Variants in LDLRAD3 observed in about 807,000 individuals in gnomAD.
The protein encoded by LDLRAD3 is low density lipoprotein receptor class A domain containing 3.
A neutral mutation model predicts 29.4 loss-of-function variants in LDLRAD3; 20 were observed. The observed-to-expected ratio is 0.68, with a 90% CI of 0.48 to 0.99. LDLRAD3 has a LOEUF of 0.99. LDLRAD3 is among the 50% of genes least tolerant of loss of function. LDLRAD3 has a pLI of 0.00. For missense variants in LDLRAD3, 420 were observed against 454.3 expected, an observed-to-expected ratio of 0.92 and a Z score of 0.69; for synonymous variants, 157 against 192.7, an observed-to-expected ratio of 0.81 and a Z score of 1.53.
intron 1 of LDLRAD3, among the ~76,000 whole-genome samples, chr11:35,980,368 G>A (rs1055767094): frequency 6.6e-5 from 10 of 152,234 alleles, no homozygotes; most frequent in Admixed American, 1.3e-4. Context: ...TTAGGGAACC[G>A]ATCCACTGGT....
intron 2 of LDLRAD3, among the ~76,000 whole-genome samples, chr11:36,039,117 C>T (rs1852347279): frequency 6.6e-6 from 1 of 152,022 alleles, no homozygotes; most frequent in Non-Finnish European, 1.5e-5. Flanking sequence ...CTACAGGCGC[C>T]CGCCACTACG....
chr11:36,018,208 G>A (rs1432930736), intron 1 of LDLRAD3, among the ~76,000 whole-genome samples: 1 of 152,152 alleles, frequency 6.6e-6, no homozygotes, highest in Non-Finnish European at 1.5e-5. Context: ...TAAACTTTTT[G>A]TAAAGCATCA....
intron 1 of LDLRAD3, among the ~76,000 whole-genome samples, chr11:36,029,544 A>T (rs191284227): frequency 4.4e-4 from 67 of 152,276 alleles, no homozygotes; most frequent in Middle Eastern, 3.4e-3. Flanking sequence ...CTAGATTAAC[A>T]CTGCTGCAAC....
chr11:36,158,525 C>CTTTTTTTT (rs61352747), intron 4 of LDLRAD3, among the ~76,000 whole-genome samples: 1 of 107,096 alleles, frequency 9.3e-6, no homozygotes, highest in Non-Finnish European at 1.8e-5. Flanking sequence ...ATGTTCTGGG[C>CTTTTTTTT]TTTTTTTTTT....
chr11:35,975,622 A>C lies in LDLRAD3; in HGVS notation c.46+31478A>C, dbSNP rs529546859. Among the ~76,000 whole-genome samples, 5 of 152,344 alleles carry C rather than the reference A, an allele frequency of 3.3e-5. No individual in the cohort carries two copies. The South Asian group carries it at 1.0e-3, about 32-fold the overall frequency. On this transcript the variant is annotated intron_variant, in intron 1 of 5. Coordinates refer to ENST00000315571, the MANE Select transcript of LDLRAD3 (RefSeq NM_174902.4). ...GGTAGAGAACTCAGACTCTAATTAA[A>C]AGATGATGGGTTAAAGGAAGTTAAA...
In LDLRAD3 at chr11:36,213,294, A is replaced by G. The variant is rs985467777; in HGVS notation, c.455-13791A>G. ...GAGGTTGCGCAGCTCCAGTTTTCCC[A>G]TCACCCTCTTTTCAGTTAATTTTAG... On this transcript the variant is annotated intron_variant, in intron 4 of 5. Coordinates refer to ENST00000315571, the MANE Select transcript of LDLRAD3 (RefSeq NM_174902.4). The surrounding 1 kb of genome is among the most constrained non-coding windows in gnomAD (Gnocchi z 4.1). 7.9e-5 allele frequency among the ~76,000 whole-genome samples: 12 copies of G among 152,226 alleles called. No homozygotes were observed. Among genetic ancestry groups the G allele is most frequent in the African/African-American group, 2.9e-4 (12 of 41,566 alleles).
chr11:36,105,246 A>T (rs1032713086), intron 4 of LDLRAD3, among the ~76,000 whole-genome samples: 6 of 142,526 alleles, frequency 4.2e-5, no homozygotes, highest in African/African-American at 1.7e-4. Context: ...TGTGAGAGAG[A>T]GAGAGAGAGA....
chr11:36,011,442 G>A (rs373957427), intron 1 of LDLRAD3, among the ~76,000 whole-genome samples: 2 of 152,258 alleles, frequency 1.3e-5, no homozygotes, highest in South Asian at 2.1e-4. Flanking sequence ...TTGTTGAGGA[G>A]GTCACTGGCT....
chr11:35,960,785 C>T (rs376044822), intron 1 of LDLRAD3, among the ~76,000 whole-genome samples: 125 of 152,240 alleles, frequency 8.2e-4, no homozygotes, highest in African/African-American at 2.8e-3. Flanking sequence ...TTAGTAGAGA[C>T]GGAGTCTCAC....
In LDLRAD3 at chr11:36,063,429, C is replaced by T. The variant is rs551265065; in HGVS notation, c.194-18224C>T. ...ATTCCCCATTCTTCCCTCTCTTAGT[C>T]CCTGGGAACCACTAATCCACTTTTT... On this transcript the variant is annotated intron_variant, in intron 2 of 5. Transcript: ENST00000315571. Among the ~76,000 whole-genome samples the T allele has an allele frequency of 3.9e-5, 6 of 152,302 alleles. No individual in the cohort carries two copies. The South Asian group carries it at 8.3e-4, about 21-fold the overall frequency.
chr11:36,081,876 G>C, intron 3 of LDLRAD3, 98 bp downstream of exon 3: 1 of 1,411,444 alleles, frequency 7.1e-7, no homozygotes. Flanking sequence ...CTTATACCTA[G>C]AGGCTCAGGC....
chr11:36,145,113 G>A (rs1428036290), intron 4 of LDLRAD3, among the ~76,000 whole-genome samples: 4 of 105,672 alleles, frequency 3.8e-5, no homozygotes, highest in African/African-American at 8.0e-5. Flanking sequence ...AGGTTGGGGG[G>A]TCAGCCCCCC....
chr11:36,113,789 T>C (rs1160068608), intron 4 of LDLRAD3, among the ~76,000 whole-genome samples: 1 of 151,334 alleles, frequency 6.6e-6, no homozygotes, highest in Non-Finnish European at 1.5e-5. Context: ...TTCTCCTGCC[T>C]CAACCTCCTG....
At chr11:36,070,736 A>G (rs1047945341) in intron 2 of LDLRAD3, among the ~76,000 whole-genome samples, 1 of 152,192 alleles carries the variant, frequency 6.6e-6, no homozygotes, top group Non-Finnish European at 1.5e-5. Context: ...AGGAATCTGC[A>G]TATTCACAAG....
Position 35,955,637 on chromosome 11 carries a change from A to G in LDLRAD3, c.46+11493A>G, listed in dbSNP as rs557452466. ...AAATAGATAAACAGGGTTACTGCAA[A>G]TGACAAAAGATTCATTAAAAAACAA... On this transcript the variant is annotated intron_variant, in intron 1 of 5. Transcript: ENST00000315571. Among the ~76,000 whole-genome samples, 9 of 152,350 alleles carry G rather than the reference A, an allele frequency of 5.9e-5. No individual in the cohort carries two copies. In the South Asian group the frequency reaches 1.9e-3, roughly 32 times the overall value.
chr11:36,067,197 G>A (rs1011064044), intron 2 of LDLRAD3, among the ~76,000 whole-genome samples: 4 of 152,080 alleles, frequency 2.6e-5, no homozygotes, highest in African/African-American at 7.2e-5. Flanking sequence ...CTCTTTCTGA[G>A]TTCCTTTTGC....
At chr11:36,174,301 T>C (rs1362691309) in intron 4 of LDLRAD3, among the ~76,000 whole-genome samples, 1 of 152,206 alleles carries the variant, frequency 6.6e-6, no homozygotes, top group Non-Finnish European at 1.5e-5. Context: ...GCCATAGGCA[T>C]GGGCAAGGAC....
chr11:36,080,476 G>A (rs1853096751), intron 2 of LDLRAD3, among the ~76,000 whole-genome samples: 1 of 152,206 alleles, frequency 6.6e-6, no homozygotes. Flanking sequence ...CAATGCTGTT[G>A]AGTTGGTTGA....
chr11:36,100,580 C>A (rs539554958), intron 4 of LDLRAD3, among the ~76,000 whole-genome samples: 12 of 152,204 alleles, frequency 7.9e-5, no homozygotes, highest in African/African-American at 2.9e-4. Flanking sequence ...GCTGGGACTA[C>A]AGGCGTGTGC....
Sources: allele counts gnomAD v4.1 joint callset (sites outside exome capture counted in the v4.1 genomes callset), GRCh38; gene constraint gnomAD v4.1.1; non-coding constraint Gnocchi (gnomAD v3.1); transcripts MANE v1.5; gene names NCBI Gene and HGNC (gene_info 2026-07-23, HGNC 2026-07-21).